The following SHOC1 variants were observed in gnomAD, a reference collection of about 807,000 sequenced individuals.
SHOC1 encodes shortage in chiasmata 1, also known as protein shortage in chiasmata 1 ortholog.
In SHOC1, 136 loss-of-function variants were observed where a neutral mutation model predicts 179.2. The observed-to-expected ratio is 0.76, with a 90% CI of 0.66 to 0.87. SHOC1 has a LOEUF of 0.87. SHOC1 is among the 40% of genes least tolerant of loss of function. The pLI is 0.00. For missense variants in SHOC1, 1,538 were observed against 1,700.8 expected (o/e 0.90, Z 1.68); for synonymous variants, 489 against 586.6 (o/e 0.83, Z 2.41).
chr9:111,714,631 A>G lies in SHOC1; in HGVS notation c.2237-8T>C. ...TTGCCTTCGACAAATATCCTATTGA[A>G]GCAAAATTAGAAAAAAATTGTCTAA... On this transcript the variant is annotated splice_polypyrimidine_tract_variant and splice_region_variant and intron_variant, in intron 16 of 27. Transcript: ENST00000682961. The G allele has an allele frequency of 6.3e-7, 1 of 1,594,964 alleles. No individual in the cohort carries two copies. Among genetic ancestry groups the G allele is most frequent in the Non-Finnish European group, 8.5e-7 (1 of 1,175,028 alleles).
At chr9:111,712,366 A>T (rs1832589004) in intron 18 of SHOC1, among the ~76,000 whole-genome samples, 1 of 152,220 alleles carries the variant, frequency 6.6e-6, no homozygotes, top group Non-Finnish European at 1.5e-5. Flanking sequence ...ATGGTATGGC[A>T]ATATGGCACA....
chr9:111,782,774 A>G (rs904197239), intron 3 of SHOC1, among the ~76,000 whole-genome samples: 7 of 152,202 alleles, frequency 4.6e-5, no homozygotes, highest in Non-Finnish European at 7.4e-5. Flanking sequence ...TTGCTCTTTA[A>G]GACAGCTAAT....
At chr9:111,774,367 T>C (rs1486386063) in intron 5 of SHOC1, among the ~76,000 whole-genome samples, 1 of 152,184 alleles carries the variant, frequency 6.6e-6, no homozygotes, top group Non-Finnish European at 1.5e-5. Context: ...GGCACGATCA[T>C]GGCTTACTAC....
chr9:111,707,827 C>T, intron 19 of SHOC1, 28 bp downstream of exon 19: 2 of 1,433,772 alleles, frequency 1.4e-6, no homozygotes, highest in Non-Finnish European at 1.9e-6. Context: ...TACGTTTGTT[C>T]CTCACAGATG....
At chr9:111,766,674 C>G (rs533119755) in intron 5 of SHOC1, among the ~76,000 whole-genome samples, 35 of 152,172 alleles carry the variant, frequency 2.3e-4, no homozygotes, top group African/African-American at 8.4e-4. Context: ...TGCAGTGGCG[C>G]AATCTTGGCT....
rs1159949515 is a variant in SHOC1, at chr9:111,702,209, A to G, written c.2985T>C (p.Asn995=). 1 of 1,435,340 alleles carries G rather than the reference A, an allele frequency of 7.0e-7. No homozygotes were observed. Among genetic ancestry groups the G allele is most frequent in the Non-Finnish European group, 9.8e-7 (1 of 1,023,226 alleles). 88.9% of individuals were successfully genotyped at this position (1,435,340 alleles called of 1,614,324 possible). A position where few individuals can be genotyped will look rare whatever the true frequency, so the allele number is the denominator to read the frequency against. The change falls in exon 23 of 28, where the codon AAT becomes AAC. Residue 995 remains asparagine, a synonymous_variant. Transcript: ENST00000682961. ...AIILQDLEEL[N]YEKASDNIIM... ...TGATATTGTCTGATGCCTTCTCATA[A>G]TTCAATTCTTCTAGATCCTATCAGA...
chr9:111,713,204 G>A, intron 17 of SHOC1, 32 bp from the exon 18 acceptor site: 2 of 1,166,614 alleles, frequency 1.7e-6, no homozygotes, highest in Non-Finnish European at 2.5e-6. Flanking sequence ...ATATATATGT[G>A]GATGATTATT....
At chr9:111,761,369 G>GT (rs966417003) in intron 5 of SHOC1, among the ~76,000 whole-genome samples, 2 of 152,096 alleles carry the variant, frequency 1.3e-5, no homozygotes, top group Non-Finnish European at 2.9e-5. Context: ...GGGCTTGGTG[G>GT]TGGGGACCTG....
chr9:111,704,652 A>C (rs180889993), intron 21 of SHOC1, among the ~76,000 whole-genome samples: 32 of 152,332 alleles, frequency 2.1e-4, no homozygotes, highest in African/African-American at 7.7e-4. Flanking sequence ...GTAACAGTAC[A>C]ATTATCCTTC....
chr9:111,742,225 C>T (rs561788621), intron 10 of SHOC1, among the ~76,000 whole-genome samples: 2 of 152,296 alleles, frequency 1.3e-5, no homozygotes, highest in African/African-American at 2.4e-5. Flanking sequence ...CAACCTTATA[C>T]GCCACCAAAA....
intron 10 of SHOC1, among the ~76,000 whole-genome samples, chr9:111,745,779 A>G (rs905478147): frequency 6.6e-6 from 1 of 152,230 alleles, no homozygotes; most frequent in Non-Finnish European, 1.5e-5. Context: ...ATACACCACT[A>G]CATTGCCTTT....
chr9:111,721,251 T>A (rs1432100949), intron 15 of SHOC1, among the ~76,000 whole-genome samples: 1 of 152,228 alleles, frequency 6.6e-6, no homozygotes, highest in Non-Finnish European at 1.5e-5. Context: ...CTGCCCTGTG[T>A]GAATGCAGCA....
In SHOC1 at chr9:111,727,838, C is replaced by G. The variant is rs1466333792; in HGVS notation, c.1629G>C (p.Lys543Asn). 6.2e-7 allele frequency: 1 copy of G among 1,611,590 alleles called. No homozygotes were observed. Among genetic ancestry groups the G allele is most frequent in the African/African-American group, 1.3e-5 (1 of 74,670 alleles). Residue 543 changes from lysine to asparagine, a missense_variant, in exon 13 of 28, where the codon AAG becomes AAC. By Grantham distance (94) the Lys-to-Asn change is moderately conservative. Coordinates refer to ENST00000682961, the MANE Select transcript of SHOC1 (RefSeq NM_001378211.1). ...GTTCAAAGTGATCGTTATTTTCTTT[C>G]TTTTGGATTATTCTGTTTACTGGTT... ...DQEPVNRIIQ[K>N]KENNDHFELD...
Position 111,692,180 on chromosome 9 carries a change from T to A in SHOC1, c.3797A>T (p.Gln1266Leu), listed in dbSNP as rs775388587. The change falls in exon 27 of 28, where the codon CAG becomes CTG. Residue 1266 changes from glutamine (Q) to leucine (L), a missense_variant. Coordinates refer to ENST00000682961, the MANE Select transcript of SHOC1 (RefSeq NM_001378211.1). ...KDSSCKSNIG[Q>L]NTPFLINIES... ...TATATTAATTAGAAAAGGAGTATTCTGCCCTATATTAGATTTACAGCTGGA... is the reference window on the plus strand; with the variant it reads ...TATATTAATTAGAAAAGGAGTATTCAGCCCTATATTAGATTTACAGCTGGA... The A allele has an allele frequency of 6.2e-7, 1 of 1,613,740 alleles. No individual in the cohort carries two copies. The highest frequency in any genetic ancestry group is 8.5e-7 in the Non-Finnish European group (1 of 1,179,800).
In SHOC1 at chr9:111,728,061, AAAT is replaced by A; in HGVS notation, c.1418-15_1418-13del. ...ATGTTCTAGACATGCTGAAAACAGA[AAAT>A]AACAACACACAAGTAACTTCCACAC... On this transcript the variant is annotated splice_polypyrimidine_tract_variant and intron_variant, in intron 12 of 27. Transcript: ENST00000682961. 6.5e-7 allele frequency: 1 copy of A among 1,537,018 alleles called. No individual in the cohort carries two copies. The highest frequency in any genetic ancestry group is 2.3e-5 in the East Asian group (1 of 44,022).
rs746236360 is a variant in SHOC1, at chr9:111,738,474, T to C, written c.1223A>G (p.Lys408Arg). 2 of 1,602,042 alleles carry C rather than the reference T, an allele frequency of 1.2e-6. No homozygotes were observed. Among genetic ancestry groups the C allele is most frequent in the Non-Finnish European group, 1.7e-6 (2 of 1,176,738 alleles). ...PHSQYSVTDLKKIFSVKEESL... is the reference protein window; with the variant it reads ...PHSQYSVTDLRKIFSVKEESL... ...TTCTTCTTTAACAGAAAATATCTTT[T>C]TCAAATCTGTAACTGAATATTGGCT... The change falls in exon 12 of 28, where the codon AAA becomes AGA. Residue 408 changes from lysine to arginine, a missense_variant. Physicochemically the swap from Lys to Arg is conservative, Grantham distance 26. Coordinates refer to ENST00000682961, the MANE Select transcript of SHOC1 (RefSeq NM_001378211.1).
At chr9:111,765,788 A>G (rs1356704422) in intron 5 of SHOC1, among the ~76,000 whole-genome samples, 1 of 151,326 alleles carries the variant, frequency 6.6e-6, no homozygotes, top group African/African-American at 2.4e-5. Context: ...ATCTCGGCTC[A>G]CTGCAACCTC....
chr9:111,705,935 C>T (rs981360839), intron 20 of SHOC1, among the ~76,000 whole-genome samples: 3 of 151,850 alleles, frequency 2.0e-5, no homozygotes, highest in Non-Finnish European at 4.4e-5. Flanking sequence ...TTATGGTGAC[C>T]GTATTGTTAG....
At chr9:111,774,775 CAG>C (rs1159765718) in intron 5 of SHOC1, among the ~76,000 whole-genome samples, 1 of 151,666 alleles carries the variant, frequency 6.6e-6, no homozygotes, top group East Asian at 1.9e-4. Flanking sequence ...ATAAAAATAA[CAG>C]TAAAAGAATC....
Sources: allele counts gnomAD v4.1 joint callset (sites outside exome capture counted in the v4.1 genomes callset), GRCh38; gene constraint gnomAD v4.1.1; transcripts MANE v1.5; gene names NCBI Gene and HGNC (gene_info 2026-07-23, HGNC 2026-07-21).